Variants in LOXL4 observed in about 807,000 individuals in gnomAD.
LOXL4 encodes the protein lysyl oxidase homolog 4.
LOXL4 carries 72 observed loss-of-function variants against 89.1 expected under a neutral mutation model. The observed-to-expected ratio is 0.81, with a 90% CI of 0.67 to 0.98. LOXL4 has a LOEUF of 0.98. Among genes scored for constraint, LOXL4 ranks in the 50% least tolerant of loss-of-function variants. LOXL4 has a pLI of 0.00. For missense variants in LOXL4, 984 were observed against 1,017.5 expected (o/e 0.97, Z 0.45); for synonymous variants, 355 against 392.1 (o/e 0.91, Z 1.12).
In LOXL4 at chr10:98,248,787, G is replaced by T. The variant is rs1374809827; in HGVS notation, c.*134C>A. ...GGATTGGTGATCTTGCCATCAAAAGGCTTCCTGAGCAGGTTCTTGGTGCCC... is the reference window on the plus strand; with the variant it reads ...GGATTGGTGATCTTGCCATCAAAAGTCTTCCTGAGCAGGTTCTTGGTGCCC... On this transcript the variant is annotated 3_prime_UTR_variant, in exon 15 of 15. Transcript: ENST00000260702. 5 of 743,638 alleles carry T rather than the reference G, an allele frequency of 6.7e-6. No individual in the cohort carries two copies. Among genetic ancestry groups the T allele is most frequent in the Non-Finnish European group, 1.1e-5 (5 of 445,824 alleles). The allele number at this position is 743,638 out of a possible 1,614,324, so 46.1% of individuals were successfully genotyped here.
chr10:98,259,590 G>A (rs908899549), intron 4 of LOXL4, among the ~76,000 whole-genome samples, 161 bp from the exon 5 acceptor site: 22 of 152,162 alleles, frequency 1.4e-4, no homozygotes, highest in East Asian at 3.9e-4. Flanking sequence ...CAGCCCTGAC[G>A]GGGTGGCCAC....
At chr10:98,255,202 A>G (rs1858320782) in intron 10 of LOXL4, among the ~76,000 whole-genome samples, 3 of 152,212 alleles carry the variant, frequency 2.0e-5, no homozygotes, top group Admixed American at 2.0e-4. Context: ...TTTTCTGACT[A>G]CAAACCACAG....
intron 14 of LOXL4, among the ~76,000 whole-genome samples, chr10:98,250,790 C>A (rs1858168591): frequency 6.6e-6 from 1 of 152,136 alleles, no homozygotes; most frequent in Non-Finnish European, 1.5e-5. Context: ...AGGAAAGATT[C>A]TAGAACAGAT....
intron 12 of LOXL4, 86 bp downstream of exon 12, chr10:98,252,267 C>G: frequency 9.8e-7 from 1 of 1,019,326 alleles, no homozygotes; most frequent in Non-Finnish European, 1.5e-6. Flanking sequence ...GGCTGCTGAA[C>G]AGGGCAGAGA....
Position 98,259,192 on chromosome 10 carries a change from G to C in LOXL4, c.738C>G (p.Ile246Met). 1 of 1,611,856 alleles carries C rather than the reference G, an allele frequency of 6.2e-7. No homozygotes were observed. The highest frequency in any genetic ancestry group is 8.5e-7 in the Non-Finnish European group (1 of 1,179,582). The part of the protein sequence containing the change: ...KSLTNKNSFW[I>M]HQVTCLGTEP... ...CTGTCCCCAGGCAGGTGACCTGGTG[G>C]ATCCAGAAGGAGTTCTTATTCGTCA... The change falls in exon 6 of 15, where the codon ATC becomes ATG. Residue 246 changes from isoleucine to methionine, a missense_variant. By Grantham distance (10) the Ile-to-Met change is conservative. Transcript: ENST00000260702.
chr10:98,250,389 G>A (rs1858155566), intron 14 of LOXL4, among the ~76,000 whole-genome samples: 2 of 152,154 alleles, frequency 1.3e-5, no homozygotes, highest in Admixed American at 6.6e-5. Context: ...GGGGCACAGC[G>A]TTCAACACAA....
Position 98,252,448 on chromosome 10 carries a change from A to G in LOXL4, c.1856T>C (p.Val619Ala). Residue 619 changes from valine (V) to alanine (A), a missense_variant, in exon 12 of 15, where the codon GTC becomes GCC. Val to Ala is a moderately conservative substitution (Grantham distance 64). Transcript: ENST00000260702. ...AGTGAGGAGGTCGTAGTGGGTGAAGACCTCAATGCTGTGGTAATGCCTGCA... is the reference window on the plus strand; with the variant it reads ...AGTGAGGAGGTCGTAGTGGGTGAAGGCCTCAATGCTGTGGTAATGCCTGCA... ...QCHRHYHSIE[V>A]FTHYDLLTLN... 1 of 1,613,748 alleles carries G rather than the reference A, an allele frequency of 6.2e-7. No individual in the cohort carries two copies.
At position 98,263,008 on chromosome 10, in the gene LOXL4, G is replaced by A. The variant is rs1288108801; in HGVS notation, c.12C>T (p.Ser4=). Residue 4 remains serine (S), a synonymous_variant, in exon 2 of 15, where the codon TCC becomes TCT. Transcript: ENST00000260702. ...GGAACAGAAAGAGGGTGGCTGGTGGGGACCACGCCATGGTGACTTCAAGGA... is the reference window on the plus strand; with the variant it reads ...GGAACAGAAAGAGGGTGGCTGGTGGAGACCACGCCATGGTGACTTCAAGGA... MAW[S]PPATLFLFLL... is the part of the protein sequence containing the mutation. The A allele has an allele frequency of 1.2e-6, 2 of 1,613,300 alleles. No individual in the cohort carries two copies. The highest frequency in any genetic ancestry group is 1.7e-5 in the Admixed American group (1 of 60,030).
rs767446802 is a variant in LOXL4, at chr10:98,259,425, C to A, written c.667G>T (p.Val223Phe). 11 of 1,613,072 alleles carry A rather than the reference C, an allele frequency of 6.8e-6. No individual in the cohort carries two copies. The South Asian group carries it at 1.1e-4, about 16-fold the overall frequency. Residue 223 changes from valine (V) to phenylalanine (F), a missense_variant, in exon 5 of 15, where the codon GTC becomes TTC. Transcript: ENST00000260702. ...VPVDSHYYRK[V>F]WDLKMRDPKS... ...GGGTCCCTCATCTTCAGATCCCAGACTTTCCTGTTATGGGAGAAAACAGAT... is the reference window on the plus strand; with the variant it reads ...GGGTCCCTCATCTTCAGATCCCAGAATTTCCTGTTATGGGAGAAAACAGAT...
At position 98,251,161 on chromosome 10, in the gene LOXL4, G is replaced by A; in HGVS notation, c.2104C>T (p.His702Tyr). 28 of 1,613,338 alleles carry A rather than the reference G, an allele frequency of 1.7e-5. No individual in the cohort carries two copies. The highest frequency in any genetic ancestry group is 2.4e-5 in the Non-Finnish European group (28 of 1,179,334). ...AAATCTGACTCTGCCACTTCATAGT[G>A]GGGGTTCACAATCACCTAGAGTGAA... ...NYIFQVIVNP[H>Y]YEVAESDFSN... Residue 702 changes from histidine (H) to tyrosine (Y), a missense_variant, in exon 14 of 15, where the codon CAC (histidine) becomes TAC (tyrosine). His to Tyr is a moderately conservative substitution (Grantham distance 83). Transcript: ENST00000260702.
chr10:98,255,761 C>G (rs1858343792), intron 9 of LOXL4, 22 bp from the exon 10 acceptor site: 1 of 1,599,846 alleles, frequency 6.3e-7, no homozygotes, highest in Non-Finnish European at 8.6e-7. Flanking sequence ...GCCAGCGTCA[C>G]CCAGTCAGCG....
Position 98,260,912 on chromosome 10 carries a change from G to A in LOXL4, c.662+10C>T, listed in dbSNP as rs374222266. The A allele has an allele frequency of 8.7e-6, 14 of 1,602,204 alleles. No individual in the cohort carries two copies. In the Admixed American group the frequency reaches 1.0e-4, roughly 12 times the overall value. On this transcript the variant is annotated intron_variant, in intron 4 of 14. Coordinates refer to ENST00000260702, the MANE Select transcript of LOXL4 (RefSeq NM_032211.7). Reference sequence around the variant, plus strand: ...GCCTCCTGTGGGGCCTACGCCAGCCGCCCTCCTACCTGTAGTAGTGGCTGT... The same window carrying A: ...GCCTCCTGTGGGGCCTACGCCAGCCACCCTCCTACCTGTAGTAGTGGCTGT...
chr10:98,254,701 G>A (rs1333010373), intron 10 of LOXL4, among the ~76,000 whole-genome samples: 1 of 152,230 alleles, frequency 6.6e-6, no homozygotes, highest in Non-Finnish European at 1.5e-5. Flanking sequence ...GTAGGCAGTG[G>A]AGCAGGGAGG....
Position 98,258,130 on chromosome 10 carries a change from A to G in LOXL4, c.956T>C (p.Val319Ala). Residue 319 changes from valine to alanine, a missense_variant, in exon 7 of 15, where the codon GTG becomes GCG. Physicochemically the swap from Val to Ala is moderately conservative, Grantham distance 64. Coordinates refer to ENST00000260702, the MANE Select transcript of LOXL4 (RefSeq NM_032211.7). ...PRVRLRSGAQ[V>A]GEGRVEVLMN... ...GAGCACTTCCACCCGGCCCTCGCCC[A>G]CCTGGGCCCCGGAGCGCAGGCGCAC... 6.2e-7 allele frequency: 1 copy of G among 1,612,864 alleles called. No homozygotes were observed. Among genetic ancestry groups the G allele is most frequent in the Non-Finnish European group, 8.5e-7 (1 of 1,179,768 alleles).
intron 9 of LOXL4, 156 bp downstream of exon 9, chr10:98,256,624 A>T: frequency 1.3e-6 from 1 of 776,364 alleles, no homozygotes; most frequent in Non-Finnish European, 2.1e-6. Context: ...CTTGTTTACC[A>T]CACTGTTCCC....
chr10:98,263,085 C>G, intron 1 of LOXL4, 34 bp from the exon 2 acceptor site: 1 of 1,557,546 alleles, frequency 6.4e-7, no homozygotes, highest in Non-Finnish European at 8.8e-7. Flanking sequence ...GTGATCACCA[C>G]CTCTACCCAG....
At chr10:98,251,302 A>G (rs1241397717) in intron 13 of LOXL4, 126 bp from the exon 14 acceptor site, 2 of 841,418 alleles carry the variant, frequency 2.4e-6, no homozygotes, top group Non-Finnish European at 3.8e-6. Flanking sequence ...CCCAGGAGGT[A>G]GGTACTGATG....
At position 98,262,897 on chromosome 10, in the gene LOXL4, T is replaced by A. The variant is rs1159422849; in HGVS notation, c.123A>T (p.Pro41=). ...GCAGCACCTCCAGGCGGCCCTCCTC[T>A]GGCTTGCTCTCTGGGCCCACCAGCC... The part of the protein sequence containing the change: ...KLRLVGPESK[P]EEGRLEVLHQ... The change falls in exon 2 of 15, where the codon CCA becomes CCT. Residue 41 remains proline, a synonymous_variant. Transcript: ENST00000260702. 1 of 1,613,616 alleles carries A rather than the reference T, an allele frequency of 6.2e-7. No homozygotes were observed. The highest frequency in any genetic ancestry group is 8.5e-7 in the Non-Finnish European group (1 of 1,180,036).
intron 1 of LOXL4, among the ~76,000 whole-genome samples, chr10:98,263,621 G>A (rs1278148604): frequency 6.6e-6 from 1 of 152,162 alleles, no homozygotes; most frequent in African/African-American, 2.4e-5. Context: ...GGAGCAGAAA[G>A]GGCTATTAGA....
Sources: gnomAD v4.1 joint callset for allele counts (sites outside exome capture counted in the v4.1 genomes callset) on GRCh38, gnomAD v4.1.1 for gene constraint, MANE v1.5 for transcripts, NCBI Gene and HGNC (gene_info 2026-07-23, HGNC 2026-07-21) for gene names.